JAZF1: variants seen among roughly 807,000 people sequenced by gnomAD.
JAZF1 encodes the protein juxtaposed with another zinc finger protein 1.
In JAZF1, 8 loss-of-function variants were observed where a neutral mutation model predicts 26.4. The observed-to-expected ratio is 0.30, with a 90% CI of 0.18 to 0.55. The LOEUF (loss-of-function observed/expected upper bound fraction) is 0.55. JAZF1 is among the 20% of genes least tolerant of loss of function. The probability of loss-of-function intolerance (pLI) is 0.94; values close to 1 mark genes in which losing one functional copy is unlikely to be tolerated. For synonymous variants in JAZF1, 126 were observed against 122.3 expected, an observed-to-expected ratio of 1.03 and a Z score of -0.20; for missense variants, 199 against 322.0, an observed-to-expected ratio of 0.62 and a Z score of 2.92.
chr7:27,978,899 G>A (rs987331203), intron 2 of JAZF1, among the ~76,000 whole-genome samples: 1 of 151,532 alleles, frequency 6.6e-6, no homozygotes, highest in Non-Finnish European at 1.5e-5. Context: ...GTGTTTTTTG[G>A]GGGGAGAAAG....
chr7:27,898,304 T>TATATATATATATATATATATATAC lies in JAZF1; in HGVS notation c.189-2889_189-2888insGTATATATATATATATATATATAT, dbSNP rs375859244. 5.0e-3 allele frequency among the ~76,000 whole-genome samples: 640 copies of TATATATATATATATATATATATAC among 128,736 alleles called. 19 individuals are homozygous for TATATATATATATATATATATATAC. The highest frequency in any genetic ancestry group is 0.018 in the African/African-American group (577 of 32,028). 84.5% of individuals were successfully genotyped at this position (128,736 alleles called of 152,430 possible). A position where few individuals can be genotyped will look rare whatever the true frequency, so the allele number is the denominator to read the frequency against. On this transcript the variant is annotated intron_variant, in intron 2 of 4. Coordinates refer to ENST00000283928, the MANE Select transcript of JAZF1 (RefSeq NM_175061.4). ...TCTAACTCATATATATATATATATA[T>TATATATATATATATATATATATAC]ACATCGGTTTTTTTTTTTTTTTTTT...
chr7:27,863,720 C>A (rs919951832), intron 3 of JAZF1: 2 of 152,224 alleles, frequency 1.3e-5, no homozygotes, highest in Admixed American at 6.5e-5. Flanking sequence ...TGTGCAAACA[C>A]AGGGCCTCCT....
At chr7:27,866,158 G>A (rs1783469167) in intron 3 of JAZF1, among the ~76,000 whole-genome samples, 1 of 152,220 alleles carries the variant, frequency 6.6e-6, no homozygotes, top group African/African-American at 2.4e-5. Context: ...CACAGTGCAC[G>A]TAGGCATTTG....
At chr7:27,979,502 T>G (rs1364994295) in intron 2 of JAZF1, among the ~76,000 whole-genome samples, 1 of 147,744 alleles carries the variant, frequency 6.8e-6, no homozygotes, top group Admixed American at 6.9e-5. Flanking sequence ...AATCCTCTCA[T>G]CTCAGCCTCC....
At chr7:27,842,599 C>T (rs753799452) in intron 3 of JAZF1, 11 of 152,060 alleles carry the variant, frequency 7.2e-5, no homozygotes, top group Non-Finnish European at 1.5e-4. Flanking sequence ...TAAAGAGAGC[C>T]GGTTTGGAAA....
At position 27,865,466 on chromosome 7, in the gene JAZF1, A is replaced by C. The variant is rs1250566563; in HGVS notation, c.386-24599T>G. On this transcript the variant is annotated intron_variant, in intron 3 of 4. Coordinates refer to ENST00000283928, the MANE Select transcript of JAZF1 (RefSeq NM_175061.4). ...CAGAAAATGTAGTTCTTACTACTTCAAACAGTAAAAATCTTTAAAGCCATA... is the reference window on the plus strand; with the variant it reads ...CAGAAAATGTAGTTCTTACTACTTCCAACAGTAAAAATCTTTAAAGCCATA... 2.0e-5 allele frequency among the ~76,000 whole-genome samples: 3 copies of C among 152,228 alleles called. No individual in the cohort carries two copies. In the East Asian group the frequency reaches 5.8e-4, roughly 29 times the overall value.
At chr7:27,981,796 T>G (rs2128362286) in intron 2 of JAZF1, among the ~76,000 whole-genome samples, 1 of 152,326 alleles carries the variant, frequency 6.6e-6, no homozygotes, top group African/African-American at 2.4e-5. Flanking sequence ...CCAAGAAATT[T>G]CACACCCACT....
intron 1 of JAZF1, among the ~76,000 whole-genome samples, chr7:28,128,463 A>G (rs1199555378): frequency 6.6e-6 from 1 of 152,174 alleles, no homozygotes; most frequent in African/African-American, 2.4e-5. Context: ...CAGAGGTTGC[A>G]GTGAGCTGAA....
intron 2 of JAZF1, among the ~76,000 whole-genome samples, chr7:27,952,794 A>T (rs1188710970): frequency 1.3e-5 from 2 of 152,238 alleles, no homozygotes; most frequent in Non-Finnish European, 2.9e-5. Context: ...TGTTTGAAAC[A>T]TGTTCAGGAA....
chr7:28,107,742 CAG>C (rs2127930908), intron 1 of JAZF1, among the ~76,000 whole-genome samples: 1 of 152,332 alleles, frequency 6.6e-6, no homozygotes, highest in East Asian at 1.9e-4. Context: ...AAAGAATACA[CAG>C]AGACACCATT....
At chr7:28,006,819 A>G (rs1174237207) in intron 1 of JAZF1, among the ~76,000 whole-genome samples, 1 of 152,208 alleles carries the variant, frequency 6.6e-6, no homozygotes, top group Non-Finnish European at 1.5e-5. Flanking sequence ...TTCAGTAACA[A>G]TGCTCTCTAA....
chr7:27,928,109 T>C (rs1359602339), intron 2 of JAZF1, among the ~76,000 whole-genome samples: 1 of 152,218 alleles, frequency 6.6e-6, no homozygotes, highest in African/African-American at 2.4e-5. Context: ...GTGATGGCTA[T>C]ACTTAAAATG....
At chr7:27,919,731 C>T (rs932596875) in intron 2 of JAZF1, among the ~76,000 whole-genome samples, 1 of 152,150 alleles carries the variant, frequency 6.6e-6, no homozygotes, top group East Asian at 1.9e-4. Context: ...TGCTCTGGAA[C>T]GCCAAGGAAG....
intron 1 of JAZF1, among the ~76,000 whole-genome samples, chr7:28,004,148 T>C (rs560746262): frequency 6.6e-6 from 1 of 152,278 alleles, no homozygotes; most frequent in Non-Finnish European, 1.5e-5. Context: ...ACTATTTGCA[T>C]GTTTTGTGAT....
At chr7:28,080,827 C>G (rs542530790) in intron 1 of JAZF1, among the ~76,000 whole-genome samples, 1 of 151,556 alleles carries the variant, frequency 6.6e-6, no homozygotes, top group South Asian at 2.1e-4. Flanking sequence ...ATGACAGATA[C>G]AATAACAATG....
chr7:28,162,910 G>C (rs767781790), intron 1 of JAZF1, among the ~76,000 whole-genome samples: 3 of 152,182 alleles, frequency 2.0e-5, no homozygotes, highest in Non-Finnish European at 4.4e-5. Flanking sequence ...AGACTTCATG[G>C]TAGAGGAAAC....
In JAZF1 at chr7:28,034,105, T is replaced by TA. The variant is rs146269446; in HGVS notation, c.116-42125dup. Among the ~76,000 whole-genome samples, 793 of 151,506 alleles carry TA rather than the reference T, an allele frequency of 5.2e-3. 4 individuals are homozygous for TA. The highest frequency in any genetic ancestry group is 0.014 in the Middle Eastern group (4 of 294). Reference sequence around the variant, plus strand: ...TGCATAAGAAATACCAATACCTCTCTAAAAAAAAATTATCTTTTATGACTT... The same window carrying TA: ...TGCATAAGAAATACCAATACCTCTCTAAAAAAAAAATTATCTTTTATGACTT... On this transcript the variant is annotated intron_variant, in intron 1 of 4. Coordinates refer to ENST00000283928, the MANE Select transcript of JAZF1 (RefSeq NM_175061.4).
Position 28,152,217 on chromosome 7 carries a change from T to C in JAZF1, c.115+28246A>G, listed in dbSNP as rs547065570. Among the ~76,000 whole-genome samples, 8 of 152,336 alleles carry C rather than the reference T, an allele frequency of 5.3e-5. No individual in the cohort carries two copies. In the South Asian group the frequency reaches 1.7e-3, roughly 32 times the overall value. On this transcript the variant is annotated intron_variant, in intron 1 of 4. Coordinates refer to ENST00000283928, the MANE Select transcript of JAZF1 (RefSeq NM_175061.4). ...ATAGATGGTTTTTAAAGGAAATGAA[T>C]CAGCTTTCATGGTTTCATGACAGGG...
intron 1 of JAZF1, among the ~76,000 whole-genome samples, chr7:28,129,218 T>C (rs1474895952): frequency 6.6e-6 from 1 of 152,098 alleles, no homozygotes; most frequent in Admixed American, 6.6e-5. Flanking sequence ...AATCTCTTAG[T>C]GTTCCTGACA....
Sources: gnomAD v4.1 joint callset for allele counts (sites outside exome capture counted in the v4.1 genomes callset) on GRCh38, gnomAD v4.1.1 for gene constraint, MANE v1.5 for transcripts, NCBI Gene and HGNC (gene_info 2026-07-23, HGNC 2026-07-21) for gene names.